FNDC1: variants seen among roughly 807,000 people sequenced by gnomAD.
FNDC1 encodes fibronectin type III domain containing 1, also known as fibronectin type III domain-containing protein 1.
In FNDC1, 96 loss-of-function variants were observed where a neutral mutation model predicts 168.0. The observed-to-expected ratio is 0.57, with a 90% CI of 0.48 to 0.68. The LOEUF (loss-of-function observed/expected upper bound fraction) is 0.68, where lower values mean the gene tolerates loss of function less well. Ranked by LOEUF, FNDC1 falls within the 30% of genes least tolerant of loss-of-function variation. The pLI, the probability that FNDC1 is intolerant of heterozygous loss-of-function variation, is 0.00. For missense variants in FNDC1, 2,587 were observed against 2,482.1 expected (o/e 1.04, Z -0.90); for synonymous variants, 1,099 against 1,025.9 (o/e 1.07, Z -1.36).
intron 22 of FNDC1, among the ~76,000 whole-genome samples, chr6:159,270,523 C>T (rs1486743174): frequency 6.6e-6 from 1 of 152,136 alleles, no homozygotes; most frequent in African/African-American, 2.4e-5. Flanking sequence ...ATGGGACTGG[C>T]CCTGAACAGA....
chr6:159,193,295 G>T (rs113789381), intron 1 of FNDC1, among the ~76,000 whole-genome samples: 1 of 152,050 alleles, frequency 6.6e-6, no homozygotes, highest in Non-Finnish European at 1.5e-5. Context: ...TTTCGTCACC[G>T]GAACCTAAAC....
In FNDC1 at chr6:159,263,434, G is replaced by A. The variant is rs146656626; in HGVS notation, c.5255-1541G>A. Among the ~76,000 whole-genome samples the A allele has an allele frequency of 1.8e-3, 267 of 152,160 alleles. 1 individual carries two copies. The highest frequency in any genetic ancestry group is 6.2e-3 in the African/African-American group (257 of 41,504). The stretch of plus-strand genomic sequence containing the variant: ...TTTTTTCAAAAATAAAAAAAGAATG[G>A]TCCAGATTTACCTAGTTCGTGGCAT... On this transcript the variant is annotated intron_variant, in intron 19 of 22. Transcript: ENST00000297267.
chr6:159,193,113 C>T (rs1327950242), intron 1 of FNDC1, among the ~76,000 whole-genome samples: 1 of 151,906 alleles, frequency 6.6e-6, no homozygotes, highest in Non-Finnish European at 1.5e-5. Context: ...TCCAACAGCT[C>T]ATGTGTGTAT....
Position 159,233,387 on chromosome 6 carries a change from G to T in FNDC1, c.2875G>T (p.Asp959Tyr). Reference sequence around the variant, plus strand: ...GGATGTTCAACAGAGCACAGACGCGGACACGGAGGGTCATTCTCCCAAAGC... The same window carrying T: ...GGATGTTCAACAGAGCACAGACGCGTACACGGAGGGTCATTCTCCCAAAGC... The part of the protein sequence containing the change: ...AQDVQQSTDA[D>Y]TEGHSPKAQP... Residue 959 changes from aspartate to tyrosine, a missense_variant, in exon 11 of 23, where the codon GAC becomes TAC. Asp to Tyr is a radical substitution (Grantham distance 160). Transcript: ENST00000297267. This position sits in a 1 kb window ranked among gnomAD's most constrained non-coding sequence, Gnocchi z 4.6. The T allele has an allele frequency of 6.2e-7, 1 of 1,613,620 alleles. No homozygotes were observed. The highest frequency in any genetic ancestry group is 8.5e-7 in the Non-Finnish European group (1 of 1,179,822).
In FNDC1 at chr6:159,234,166, C is replaced by G. The variant is rs369519042; in HGVS notation, c.3654C>G (p.Ser1218Arg). The G allele has an allele frequency of 1.2e-4, 184 of 1,598,452 alleles. No homozygotes were observed. The African/African-American group carries it at 2.3e-3, about 20-fold the overall frequency. Residue 1218 changes from serine (S) to arginine (R), a missense_variant, in exon 11 of 23, where the codon AGC becomes AGG. Ser to Arg is a moderately radical substitution (Grantham distance 110, BLOSUM62 -1). Coordinates refer to ENST00000297267, the MANE Select transcript of FNDC1 (RefSeq NM_032532.3). ...TPRGGKDADG[S>R]LAKEEREPAI... ...GGGGCGGCAAAGACGCCGATGGGAG[C>G]CTCGCCAAGGAAGAGAGGGAGCCTG... is the stretch of plus-strand genomic sequence containing the variant.
rs766468455 is a variant in FNDC1, at chr6:159,271,323, C to G, written c.5570-4C>G. On this transcript the variant is annotated splice_region_variant and splice_polypyrimidine_tract_variant and intron_variant, in intron 22 of 22. Coordinates refer to ENST00000297267, the MANE Select transcript of FNDC1 (RefSeq NM_032532.3). ...GCTTTTCCCCTCTCCTGTTGCCCTTCCAGGCTACTATCGCCAGTATCGTCA... is the reference window on the plus strand; with the variant it reads ...GCTTTTCCCCTCTCCTGTTGCCCTTGCAGGCTACTATCGCCAGTATCGTCA... The G allele has an allele frequency of 1.9e-6, 3 of 1,596,972 alleles. No individual in the cohort carries two copies. The highest frequency in any genetic ancestry group is 1.1e-5 in the South Asian group (1 of 87,820).
chr6:159,234,916 T>A (rs930716726), intron 11 of FNDC1, among the ~76,000 whole-genome samples: 1 of 152,256 alleles, frequency 6.6e-6, no homozygotes, highest in Non-Finnish European at 1.5e-5. Context: ...TGCCGCCATG[T>A]GTTTAAGGGA....
chr6:159,178,484 G>T (rs913901701), intron 1 of FNDC1, among the ~76,000 whole-genome samples: 1 of 152,176 alleles, frequency 6.6e-6, no homozygotes, highest in East Asian at 1.9e-4. Flanking sequence ...CTGTAGTGCC[G>T]CATCCCAGCC....
chr6:159,231,672 A>G (rs1783085517), intron 10 of FNDC1, among the ~76,000 whole-genome samples: 1 of 152,232 alleles, frequency 6.6e-6, no homozygotes, highest in South Asian at 2.1e-4. Flanking sequence ...ATTTTCTAGG[A>G]CTATATTTGT....
rs143868483 is a variant in FNDC1, at chr6:159,215,112, C to G, written c.628C>G (p.Leu210Val). The change falls in exon 5 of 23, where the codon CTG (leucine) becomes GTG (valine). Residue 210 changes from leucine (L) to valine (V), a missense_variant. Leu to Val is a conservative substitution (Grantham distance 32, BLOSUM62 1). Transcript: ENST00000297267. ...ESGRKMNYVP[L>V]TRDERTHEIK... ...TGGCCGGAAGATGAATTATGTTCCACTGACAAGAGATGAACGGACACACGA... is the reference window on the plus strand; with the variant it reads ...TGGCCGGAAGATGAATTATGTTCCAGTGACAAGAGATGAACGGACACACGA... 1.9e-6 allele frequency: 3 copies of G among 1,614,032 alleles called. No individual in the cohort carries two copies. Among genetic ancestry groups the G allele is most frequent in the Non-Finnish European group, 2.5e-6 (3 of 1,179,888 alleles).
Position 159,234,319 on chromosome 6 carries a change from G to C in FNDC1, c.3807G>C (p.Val1269=). The change falls in exon 11 of 23, where the codon GTG becomes GTC. Residue 1269 remains valine, a synonymous_variant. Coordinates refer to ENST00000297267, the MANE Select transcript of FNDC1 (RefSeq NM_032532.3). ...SRLPPRSAAT[V]SPVAGTHPWP... Reference sequence around the variant, plus strand: ...TGCCGCCTCGCAGCGCTGCCACCGTGAGCCCCGTCGCGGGCACCCACCCCT... The same window carrying C: ...TGCCGCCTCGCAGCGCTGCCACCGTCAGCCCCGTCGCGGGCACCCACCCCT... 6.2e-7 allele frequency: 1 copy of C among 1,609,488 alleles called. No homozygotes were observed. Among genetic ancestry groups the C allele is most frequent in the Non-Finnish European group, 8.5e-7 (1 of 1,178,092 alleles).
intron 1 of FNDC1, among the ~76,000 whole-genome samples, chr6:159,187,055 G>T (rs1208567846): frequency 6.6e-6 from 1 of 152,206 alleles, no homozygotes; most frequent in Non-Finnish European, 1.5e-5. Flanking sequence ...GGTGAGCCCA[G>T]GAGTGCCGCT....
At chr6:159,244,343 T>A (rs780461621) in intron 14 of FNDC1, among the ~76,000 whole-genome samples, 4 of 152,324 alleles carry the variant, frequency 2.6e-5, no homozygotes, top group Non-Finnish European at 4.4e-5. Context: ...TTTCATGAAA[T>A]GGCCATTCCA....
chr6:159,270,550 C>T (rs1281120875), intron 22 of FNDC1, among the ~76,000 whole-genome samples: 1 of 152,182 alleles, frequency 6.6e-6, no homozygotes, highest in Admixed American at 6.5e-5. Context: ...GGGTATTCAG[C>T]ACACTCACTG....
intron 14 of FNDC1, among the ~76,000 whole-genome samples, chr6:159,240,622 C>G (rs1783397994): frequency 6.6e-6 from 1 of 152,152 alleles, no homozygotes; most frequent in Non-Finnish European, 1.5e-5. Flanking sequence ...CTCTGCTGAT[C>G]TGCACTATCC....
chr6:159,256,325 G>A (rs1777372172), intron 17 of FNDC1, among the ~76,000 whole-genome samples, 198 bp from the exon 18 acceptor site: 1 of 152,166 alleles, frequency 6.6e-6, no homozygotes, highest in South Asian at 2.1e-4. Flanking sequence ...TCTTAGTTTT[G>A]TCATCCCCAT....
intron 2 of FNDC1, among the ~76,000 whole-genome samples, 191 bp from the exon 3 acceptor site, chr6:159,199,805 T>G (rs1782333155): frequency 6.6e-6 from 1 of 152,246 alleles, no homozygotes; most frequent in Non-Finnish European, 1.5e-5. Flanking sequence ...GTTTTTCAGT[T>G]GCATGAGAAG....
intron 1 of FNDC1, among the ~76,000 whole-genome samples, chr6:159,177,715 T>G (rs1272650102): frequency 6.6e-6 from 1 of 152,142 alleles, no homozygotes; most frequent in Admixed American, 6.5e-5. Flanking sequence ...CCTCCTCTGA[T>G]GGATGTGTGC....
intron 6 of FNDC1, among the ~76,000 whole-genome samples, chr6:159,222,717 A>C (rs1782856438): frequency 6.6e-6 from 1 of 152,214 alleles, no homozygotes; most frequent in Non-Finnish European, 1.5e-5. Context: ...ACACCTTCTA[A>C]AATGTGAGGA....
Sources: allele counts gnomAD v4.1 joint callset (sites outside exome capture counted in the v4.1 genomes callset), GRCh38; gene constraint gnomAD v4.1.1; non-coding constraint Gnocchi (gnomAD v3.1); transcripts MANE v1.5; gene names NCBI Gene and HGNC (gene_info 2026-07-23, HGNC 2026-07-21).